Variants in RNF121 observed in about 807,000 individuals in gnomAD.
RNF121 encodes the protein E3 ubiquitin ligase RNF121.
A neutral mutation model predicts 46.5 loss-of-function variants in RNF121; 21 were observed. The observed-to-expected ratio is 0.45, with a 90% CI of 0.32 to 0.65. RNF121 has a LOEUF of 0.65. RNF121 is among the 30% of genes least tolerant of loss of function. RNF121 has a pLI of 0.04. For missense variants in RNF121, 346 were observed against 416.0 expected, an observed-to-expected ratio of 0.83 and a Z score of 1.46; for synonymous variants, 139 against 144.7, an observed-to-expected ratio of 0.96 and a Z score of 0.28.
chr11:71,951,195 G>A (rs1288480402), intron 1 of RNF121, among the ~76,000 whole-genome samples: 1 of 108,928 alleles, frequency 9.2e-6, no homozygotes, highest in African/African-American at 3.5e-5. Flanking sequence ...TTGCACAAGA[G>A]CAAAACTCCG....
intron 4 of RNF121, among the ~76,000 whole-genome samples, chr11:71,983,459 G>T (rs1160280018): frequency 6.6e-6 from 1 of 152,202 alleles, no homozygotes; most frequent in Non-Finnish European, 1.5e-5. Flanking sequence ...ATGAATCTCA[G>T]CAAATTTATA....
At chr11:71,948,609 C>T (rs1484911074) in intron 1 of RNF121, among the ~76,000 whole-genome samples, 2 of 149,888 alleles carry the variant, frequency 1.3e-5, no homozygotes, top group African/African-American at 5.0e-5. Flanking sequence ...CAGGCAGCAG[C>T]TGTAGCAGCT....
intron 2 of RNF121, 118 bp from the exon 3 acceptor site, chr11:71,960,632 A>C: frequency 8.5e-7 from 1 of 1,177,498 alleles, no homozygotes; most frequent in Non-Finnish European, 1.2e-6. Flanking sequence ...GGTACCCTGC[A>C]GCTATGAAGC....
rs920282475 is a variant in RNF121, at chr11:71,997,406, G to A, written c.*1091G>A. The A allele has an allele frequency of 6.6e-6, 1 of 152,046 alleles. No individual in the cohort carries two copies. Among genetic ancestry groups the A allele is most frequent in the Non-Finnish European group, 1.5e-5 (1 of 67,984 alleles). The allele number at this position is 152,046 out of a possible 1,614,324, so 9.4% of individuals were successfully genotyped here. A position where few individuals can be genotyped will look rare whatever the true frequency, so the allele number is the denominator to read the frequency against. On this transcript the variant is annotated 3_prime_UTR_variant, in exon 9 of 9. Coordinates refer to ENST00000361756, the MANE Select transcript of RNF121 (RefSeq NM_018320.5). ...TGGGTGAGAACAGGTTCTGAGAGGG[G>A]GCTTCTAGGAAGGCCCCAGCCCTAG...
Position 71,995,481 on chromosome 11 carries a change from A to G in RNF121, c.793A>G (p.Ile265Val). Residue 265 changes from isoleucine to valine, a missense_variant, in exon 8 of 9, where the codon ATC becomes GTC. Coordinates refer to ENST00000361756, the MANE Select transcript of RNF121 (RefSeq NM_018320.5). Reference protein sequence around the residue: ...FHEFCIRGWCIVGKKQTCPYC... With the variant: ...FHEFCIRGWCVVGKKQTCPYC... Reference sequence around the variant, plus strand: ...CGAGTTCTGCATCCGTGGCTGGTGCATCGTGGGAAAGAAGCAAACGTGTCC... The same window carrying G: ...CGAGTTCTGCATCCGTGGCTGGTGCGTCGTGGGAAAGAAGCAAACGTGTCC... The G allele has an allele frequency of 1.3e-6, 2 of 1,591,216 alleles. No individual in the cohort carries two copies. The highest frequency in any genetic ancestry group is 1.7e-6 in the Non-Finnish European group (2 of 1,167,148).
chr11:71,936,100 G>A (rs1953402010), intron 1 of RNF121, among the ~76,000 whole-genome samples: 1 of 151,890 alleles, frequency 6.6e-6, no homozygotes, highest in African/African-American at 2.4e-5. Flanking sequence ...GCCCACCTTG[G>A]CCTCCCAGAG....
At position 71,996,286 on chromosome 11, in the gene RNF121, G is replaced by A. The variant is rs780576769; in HGVS notation, c.955G>A (p.Gly319Ser). 6.8e-6 allele frequency: 11 copies of A among 1,614,066 alleles called. No individual in the cohort carries two copies. The South Asian group carries it at 1.1e-4, about 16-fold the overall frequency. Residue 319 changes from glycine to serine, a missense_variant, in exon 9 of 9, where the codon GGC becomes AGC. Around this residue, in one of 2 missense-constraint regions of RNF121, gnomAD observed 286 missense variants for 383.8 expected, o/e 0.75. Coordinates refer to ENST00000361756, the MANE Select transcript of RNF121 (RefSeq NM_018320.5). ...GCCTGTCATCATTGGTGTAGTCCAA[G>A]GCATCAACTACATCCTGGGCCTGGA... The part of the protein sequence containing the change: ...WQPVIIGVVQ[G>S]INYILGLE
intron 1 of RNF121, among the ~76,000 whole-genome samples, chr11:71,949,821 C>G (rs1166855063): frequency 1.3e-5 from 2 of 151,500 alleles, no homozygotes; most frequent in East Asian, 3.9e-4. Context: ...ATGGTGAAAC[C>G]CTGTCTCTAC....
At chr11:71,993,380 C>T (rs7125718) in intron 6 of RNF121, among the ~76,000 whole-genome samples, 2,453 of 152,338 alleles carry the variant, frequency 0.016, 67 homozygotes, top group African/African-American at 0.056. Flanking sequence ...TTACCCCTTC[C>T]CACAGCCCTG....
intron 1 of RNF121, among the ~76,000 whole-genome samples, chr11:71,949,619 G>A (rs1174954802): frequency 6.6e-6 from 1 of 152,130 alleles, no homozygotes; most frequent in East Asian, 1.9e-4. Context: ...GGGAGGCTAA[G>A]GCAGAAGAAT....
chr11:71,968,392 CTA>C (rs1954338641), intron 3 of RNF121, among the ~76,000 whole-genome samples: 1 of 152,132 alleles, frequency 6.6e-6, no homozygotes, highest in African/African-American at 2.4e-5. Flanking sequence ...GCTAAGTACT[CTA>C]TTGTTTGCTA....
chr11:71,983,054 A>G, intron 4 of RNF121, 139 bp downstream of exon 4: 1 of 673,154 alleles, frequency 1.5e-6, no homozygotes. Flanking sequence ...TCTCTAAAAC[A>G]AGCTGATTGG....
At chr11:71,929,300 G>A (rs1328045977) in intron 1 of RNF121, among the ~76,000 whole-genome samples, 176 bp downstream of exon 1, 1 of 151,918 alleles carries the variant, frequency 6.6e-6, no homozygotes, top group Non-Finnish European at 1.5e-5. Flanking sequence ...TGGGGACTCC[G>A]AGGCGGCCTT....
intron 6 of RNF121, 56 bp from the exon 7 acceptor site, chr11:71,994,663 A>C: frequency 6.2e-7 from 1 of 1,608,570 alleles, no homozygotes; most frequent in South Asian, 1.1e-5. Context: ...GGAGCTTCCT[A>C]CTTTGGCTGC....
intron 3 of RNF121, among the ~76,000 whole-genome samples, chr11:71,972,583 A>G (rs1174072313): frequency 1.3e-5 from 2 of 152,012 alleles, no homozygotes; most frequent in Non-Finnish European, 2.9e-5. Context: ...TTTGGGCCAT[A>G]TAATTCTTTT....
At chr11:71,983,727 T>A (rs1954709185) in intron 4 of RNF121, 1 of 152,302 alleles carries the variant, frequency 6.6e-6, no homozygotes, top group African/African-American at 2.4e-5. Context: ...GTACTCTGTT[T>A]AATGGAGGAG....
intron 3 of RNF121, among the ~76,000 whole-genome samples, chr11:71,968,647 C>T (rs1456207661): frequency 6.6e-6 from 1 of 152,180 alleles, no homozygotes; most frequent in Non-Finnish European, 1.5e-5. Context: ...ATAACACTAG[C>T]TAGCATTTAT....
At chr11:71,940,422 A>C (rs1187123903) in intron 1 of RNF121, among the ~76,000 whole-genome samples, 1 of 152,206 alleles carries the variant, frequency 6.6e-6, no homozygotes. Flanking sequence ...GAGCCATTTG[A>C]GTTCGGCCTT....
chr11:71,957,629 G>C (rs1242416597), intron 2 of RNF121, among the ~76,000 whole-genome samples: 1 of 152,158 alleles, frequency 6.6e-6, no homozygotes, highest in Non-Finnish European at 1.5e-5. Flanking sequence ...GAAAATCTTA[G>C]AAGAGTGCCT....
Sources: allele counts gnomAD v4.1 joint callset (sites outside exome capture counted in the v4.1 genomes callset), GRCh38; gene constraint gnomAD v4.1.1; regional missense constraint gnomAD v4.1.1; transcripts MANE v1.5; gene names NCBI Gene and HGNC (gene_info 2026-07-23, HGNC 2026-07-21).